The following CNOT10 variants were observed in gnomAD, a reference collection of about 807,000 sequenced individuals.
CNOT10 encodes CCR4-NOT transcription complex subunit 10.
A neutral mutation model predicts 94.6 loss-of-function variants in CNOT10; 30 were observed. The observed-to-expected ratio is 0.32, with a 90% CI of 0.24 to 0.43. CNOT10 has a LOEUF of 0.43. CNOT10 is among the 20% of genes least tolerant of loss of function. The probability of loss-of-function intolerance (pLI) is 1.00; values close to 1 mark genes in which losing one functional copy is unlikely to be tolerated. For missense variants in CNOT10, 759 were observed against 877.2 expected (o/e 0.87, Z 1.70); for synonymous variants, 289 against 301.6 (o/e 0.96, Z 0.43).
At chr3:32,705,323 A>G (rs956829928) in intron 3 of CNOT10, among the ~76,000 whole-genome samples, 2 of 152,192 alleles carry the variant, frequency 1.3e-5, no homozygotes, top group African/African-American at 2.4e-5. Context: ...TCGTTTTAGC[A>G]TTTGGATCAG....
chr3:32,688,298 TGATA>T (rs1168008824), intron 1 of CNOT10, among the ~76,000 whole-genome samples: 2 of 152,124 alleles, frequency 1.3e-5, no homozygotes, highest in African/African-American at 2.4e-5. Context: ...TTTCAAGTTG[TGATA>T]GATACTCTGA....
chr3:32,730,880 A>T (rs1423153561), intron 10 of CNOT10: 1 of 152,214 alleles, frequency 6.6e-6, no homozygotes, highest in African/African-American at 2.4e-5. Context: ...TATTTTAATT[A>T]TGTATGATCC....
intron 18 of CNOT10, among the ~76,000 whole-genome samples, chr3:32,772,088 T>G (rs1305830090): frequency 6.6e-6 from 1 of 152,108 alleles, no homozygotes; most frequent in Non-Finnish European, 1.5e-5. Flanking sequence ...CGGTGGCTCA[T>G]GCATGTAATC....
chr3:32,714,080 C>A (rs1465173264), intron 5 of CNOT10, among the ~76,000 whole-genome samples: 1 of 151,818 alleles, frequency 6.6e-6, no homozygotes, highest in Non-Finnish European at 1.5e-5. Context: ...TATATTTAAC[C>A]CTATACAAGA....
chr3:32,772,148 A>G (rs987204385), intron 18 of CNOT10, among the ~76,000 whole-genome samples: 2 of 152,192 alleles, frequency 1.3e-5, no homozygotes, highest in African/African-American at 4.8e-5. Flanking sequence ...CAGGAGATCG[A>G]GACCATCCTG....
intron 13 of CNOT10, among the ~76,000 whole-genome samples, chr3:32,739,621 T>TA (rs35020586): frequency 0.21 from 32,435 of 151,924 alleles, 4,466 homozygotes; most frequent in African/African-American, 0.38. Context: ...ACCCTGTCTC[T>TA]AAAAAAATCA....
intron 13 of CNOT10, among the ~76,000 whole-genome samples, chr3:32,758,114 T>C (rs1428533664): frequency 6.6e-6 from 1 of 152,148 alleles, no homozygotes; most frequent in East Asian, 1.9e-4. Flanking sequence ...GAACAGCGGA[T>C]TGGGAGTCTA....
At chr3:32,719,167 T>C (rs1214110436) in intron 7 of CNOT10, among the ~76,000 whole-genome samples, 1 of 152,218 alleles carries the variant, frequency 6.6e-6, no homozygotes, top group Non-Finnish European at 1.5e-5. Flanking sequence ...GAGAATTGCT[T>C]GAACCCGGGA....
chr3:32,736,304 C>G (rs112768513), intron 12 of CNOT10, among the ~76,000 whole-genome samples: 8 of 151,942 alleles, frequency 5.3e-5, no homozygotes. Flanking sequence ...CCAGGATGGT[C>G]TTGAACTCCT....
Position 32,704,933 on chromosome 3 carries a change from A to G in CNOT10, c.240A>G (p.Thr80=). The G allele has an allele frequency of 1.3e-6, 2 of 1,551,958 alleles. No homozygotes were observed. Among genetic ancestry groups the G allele is most frequent in the Non-Finnish European group, 1.7e-6 (2 of 1,160,898 alleles). The change falls in exon 3 of 19, where the codon ACA becomes ACG. Residue 80 remains threonine (T), a synonymous_variant. Transcript: ENST00000328834. The part of the protein sequence containing the change: ...AEFFKSNQTT[T]DNLRQTLNQL... Reference sequence around the variant, plus strand: ...TTTTTAAAAGTAACCAAACAACAACAGATAATTTGAGACAAACACTTAACC... The same window carrying G: ...TTTTTAAAAGTAACCAAACAACAACGGATAATTTGAGACAAACACTTAACC...
intron 1 of CNOT10, among the ~76,000 whole-genome samples, chr3:32,687,534 C>G (rs1331338071): frequency 7.3e-6 from 1 of 137,604 alleles, no homozygotes; most frequent in Non-Finnish European, 1.5e-5. Flanking sequence ...TCATTGCAAG[C>G]TCCGCCTCCC....
At chr3:32,760,439 C>G (rs927800111) in intron 14 of CNOT10, among the ~76,000 whole-genome samples, 2 of 151,870 alleles carry the variant, frequency 1.3e-5, no homozygotes, top group Non-Finnish European at 2.9e-5. Context: ...TGAGACCAGC[C>G]CAGCCAACGT....
chr3:32,725,723 A>T, intron 9 of CNOT10, 124 bp downstream of exon 9: 1 of 836,126 alleles, frequency 1.2e-6, no homozygotes, highest in Non-Finnish European at 1.8e-6. Context: ...ATCTTACCCA[A>T]CAAGTTTGGC....
At chr3:32,743,581 C>G (rs1453568744) in intron 13 of CNOT10, among the ~76,000 whole-genome samples, 1 of 152,098 alleles carries the variant, frequency 6.6e-6, no homozygotes, top group Non-Finnish European at 1.5e-5. Flanking sequence ...TTGCAGTGAG[C>G]CGAGATCGTG....
At chr3:32,773,374 T>G in intron 18 of CNOT10, 83 bp from the exon 19 acceptor site, 1 of 1,395,434 alleles carries the variant, frequency 7.2e-7, no homozygotes, top group African/African-American at 1.5e-5. Context: ...ATCTTTTACC[T>G]CCCCAGCAGG....
intron 4 of CNOT10, among the ~76,000 whole-genome samples, chr3:32,709,245 G>GT (rs1375588707): frequency 6.6e-6 from 1 of 152,134 alleles, no homozygotes; most frequent in Non-Finnish European, 1.5e-5. Flanking sequence ...AACAGAGTTA[G>GT]TTTTTTGCTA....
At chr3:32,721,901 C>G (rs1698434565) in intron 8 of CNOT10, among the ~76,000 whole-genome samples, 1 of 152,020 alleles carries the variant, frequency 6.6e-6, no homozygotes, top group South Asian at 2.1e-4. Flanking sequence ...ATCCGCCCGC[C>G]TCGGCCTCCC....
chr3:32,735,228 G>T (rs868595447), intron 12 of CNOT10, among the ~76,000 whole-genome samples: 1 of 152,092 alleles, frequency 6.6e-6, no homozygotes, highest in Non-Finnish European at 1.5e-5. Flanking sequence ...AGTGGCTCAT[G>T]CCTGCCTGTA....
intron 3 of CNOT10, among the ~76,000 whole-genome samples, chr3:32,707,754 G>A (rs1228551433): frequency 6.6e-6 from 1 of 151,858 alleles, no homozygotes; most frequent in Non-Finnish European, 1.5e-5. Context: ...ACTGAGCTGA[G>A]TTCGTGCCAC....
Sources: gnomAD v4.1 joint callset for allele counts (sites outside exome capture counted in the v4.1 genomes callset) on GRCh38, gnomAD v4.1.1 for gene constraint, MANE v1.5 for transcripts, NCBI Gene and HGNC (gene_info 2026-07-23, HGNC 2026-07-21) for gene names.